Variants in FMN2 observed in about 807,000 individuals in gnomAD.
The protein encoded by FMN2 is formin-2.
Under a neutral mutation model 142.3 loss-of-function variants are expected in FMN2, and 51 were observed. The observed-to-expected ratio is 0.36, with a 90% CI of 0.29 to 0.45. The LOEUF (loss-of-function observed/expected upper bound fraction) is 0.45, where lower values mean the gene tolerates loss of function less well. Ranked by LOEUF, FMN2 falls within the 20% of genes least tolerant of loss-of-function variation. The pLI, the probability that FMN2 is intolerant of heterozygous loss-of-function variation, is 1.00. For missense variants in FMN2, 1,936 were observed against 2,122.8 expected (o/e 0.91, Z 1.73); for synonymous variants, 882 against 869.8 (o/e 1.01, Z -0.25).
chr1:240,350,754 G>C (rs1672070421), intron 13 of FMN2, among the ~76,000 whole-genome samples: 1 of 152,182 alleles, frequency 6.6e-6, no homozygotes, highest in African/African-American at 2.4e-5. Context: ...GCAAAGTTGA[G>C]GGGAGATTGA....
chr1:240,409,727 CTAAA>C (rs1674334440), intron 15 of FMN2, among the ~76,000 whole-genome samples: 1 of 151,914 alleles, frequency 6.6e-6, no homozygotes, highest in South Asian at 2.1e-4. Flanking sequence ...TTTTAATAGA[CTAAA>C]TAATGCCCAA....
intron 7 of FMN2, among the ~76,000 whole-genome samples, chr1:240,260,787 G>A (rs1668599068): frequency 6.6e-6 from 1 of 152,102 alleles, no homozygotes; most frequent in Non-Finnish European, 1.5e-5. Context: ...CTTTGTTTTC[G>A]TAGCATTTGC....
chr1:240,209,224 A>G (rs1666578203), intron 5 of FMN2, among the ~76,000 whole-genome samples: 1 of 150,590 alleles, frequency 6.6e-6, no homozygotes, highest in Admixed American at 6.6e-5. Context: ...AACAGCTTAA[A>G]AATGTAAATC....
intron 2 of FMN2, among the ~76,000 whole-genome samples, chr1:240,169,408 C>T (rs538547532): frequency 5.9e-5 from 9 of 152,216 alleles, no homozygotes; most frequent in African/African-American, 2.2e-4. Flanking sequence ...CCTCTGCTGG[C>T]CTGAGATAGA....
chr1:240,217,806 T>TAAA (rs750790173), intron 6 of FMN2, among the ~76,000 whole-genome samples: 17 of 142,798 alleles, frequency 1.2e-4, no homozygotes, highest in African/African-American at 3.3e-4. Flanking sequence ...TGGCTAAAAA[T>TAAA]AAAAAAAAAA....
chr1:240,138,427 C>T (rs945769540), intron 2 of FMN2, among the ~76,000 whole-genome samples: 1 of 151,912 alleles, frequency 6.6e-6, no homozygotes, highest in Non-Finnish European at 1.5e-5. Context: ...GGGCCGAGCA[C>T]GGTGGCTCAT....
In FMN2 at chr1:240,159,974, T is replaced by TATATACAC. The variant is rs1202421069; in HGVS notation, c.1783-17946_1783-17945insTATACACA. ...ATCTATATCTGTGTATATATATATA[T>TATATACAC]ACACACACACACACACACACACACA... is the stretch of plus-strand genomic sequence containing the variant. On this transcript the variant is annotated intron_variant, in intron 2 of 17. Transcript: ENST00000319653. Among the ~76,000 whole-genome samples the TATATACAC allele has an allele frequency of 4.2e-3, 557 of 134,050 alleles. 3 individuals carry two copies. The highest frequency in any genetic ancestry group is 0.015 in the African/African-American group (529 of 35,470). The allele number at this position is 134,050 out of a possible 152,430, so 87.9% of individuals were successfully genotyped here.
intron 1 of FMN2, among the ~76,000 whole-genome samples, chr1:240,111,713 G>C (rs1264287009): frequency 6.6e-6 from 1 of 152,078 alleles, no homozygotes; most frequent in Non-Finnish European, 1.5e-5. Context: ...CTGTGACTAA[G>C]AATTTCTTAA....
At chr1:240,348,215 T>TG (rs56902018) in intron 13 of FMN2, among the ~76,000 whole-genome samples, 1 of 146,164 alleles carries the variant, frequency 6.8e-6, no homozygotes, top group African/African-American at 2.6e-5. Context: ...TATATGTTGT[T>TG]TTTTTTACTT....
chr1:240,226,373 A>G (rs1223047412), intron 6 of FMN2, among the ~76,000 whole-genome samples: 2 of 152,232 alleles, frequency 1.3e-5, no homozygotes, highest in Non-Finnish European at 2.9e-5. Context: ...ACCAGAAGGC[A>G]GTAGGATGAC....
chr1:240,159,886 G>GATATATATATATATCTGTGTATATAT (rs1664189206), intron 2 of FMN2, among the ~76,000 whole-genome samples: 1 of 135,436 alleles, frequency 7.4e-6, no homozygotes, highest in Non-Finnish European at 1.5e-5. Context: ...TACATGGAGA[G>GATATATATATATATCTGTGTATATAT]ATATATATAT....
intron 6 of FMN2, among the ~76,000 whole-genome samples, chr1:240,257,170 T>C (rs1168500741): frequency 6.6e-6 from 1 of 152,222 alleles, no homozygotes; most frequent in Non-Finnish European, 1.5e-5. Flanking sequence ...GGTGATGCTG[T>C]TGTCTGGAAA....
intron 8 of FMN2, among the ~76,000 whole-genome samples, chr1:240,300,559 T>G (rs1006823197): frequency 6.6e-6 from 1 of 152,190 alleles, no homozygotes; most frequent in Non-Finnish European, 1.5e-5. Context: ...TGTACTAGTT[T>G]CTTTCTCCTA....
At chr1:240,194,964 T>G (rs1474914172) in intron 4 of FMN2, among the ~76,000 whole-genome samples, 1 of 152,202 alleles carries the variant, frequency 6.6e-6, no homozygotes, top group African/African-American at 2.4e-5. Context: ...TTTTGTGAGT[T>G]TTAAATATAT....
intron 8 of FMN2, among the ~76,000 whole-genome samples, chr1:240,323,243 G>C (rs1329694231): frequency 6.7e-6 from 1 of 150,326 alleles, no homozygotes; most frequent in Admixed American, 6.6e-5. Flanking sequence ...CACCCAGGCT[G>C]GAGTGCAGTG....
chr1:240,406,136 T>G (rs1351127784), intron 15 of FMN2, among the ~76,000 whole-genome samples: 3 of 32,876 alleles, frequency 9.1e-5, no homozygotes, highest in South Asian at 2.0e-3. Context: ...GCCTCGGGAG[T>G]GGGGGGAGCG....
At position 240,466,043 on chromosome 1, in the gene FMN2, G is replaced by A. The variant is rs74379153; in HGVS notation, c.5061-6329G>A. 8.1e-4 allele frequency among the ~76,000 whole-genome samples: 124 copies of A among 152,240 alleles called. 1 individual carries two copies. In the East Asian group the frequency reaches 0.022, roughly 27 times the overall value. On this transcript the variant is annotated intron_variant, in intron 16 of 17. Coordinates refer to ENST00000319653, the MANE Select transcript of FMN2 (RefSeq NM_020066.5). ...AGGAGAGAAATGAGAAACTGCTGTC[G>A]TTGTTTAAAATAACCCTTAATGTAA...
intron 2 of FMN2, among the ~76,000 whole-genome samples, chr1:240,175,708 G>A (rs1664886125): frequency 6.6e-6 from 1 of 151,744 alleles, no homozygotes; most frequent in African/African-American, 2.4e-5. Flanking sequence ...GCTTTATTTT[G>A]TTGTTGTTGT....
intron 2 of FMN2, among the ~76,000 whole-genome samples, chr1:240,126,567 C>T (rs1662518477): frequency 6.6e-6 from 1 of 152,054 alleles, no homozygotes; most frequent in Non-Finnish European, 1.5e-5. Context: ...AATTTTAGGG[C>T]CTAACATTTT....
Sources: gnomAD v4.1 joint callset for allele counts (sites outside exome capture counted in the v4.1 genomes callset) on GRCh38, gnomAD v4.1.1 for gene constraint, MANE v1.5 for transcripts, NCBI Gene and HGNC (gene_info 2026-07-23, HGNC 2026-07-21) for gene names.